The following SLCO3A1 variants were observed in gnomAD, a reference collection of about 807,000 sequenced individuals.
SLCO3A1 encodes the protein PGE1 transporter.
A neutral mutation model predicts 63.1 loss-of-function variants in SLCO3A1; 27 were observed. That is an observed-to-expected ratio of 0.43 (90% CI 0.32 to 0.59). The LOEUF is 0.59. Among genes scored for constraint, SLCO3A1 ranks in the 20% least tolerant of loss-of-function variants. The pLI is 0.09. For missense variants in SLCO3A1, 773 were observed against 945.8 expected (o/e 0.82, Z 2.40); for synonymous variants, 473 against 409.9 (o/e 1.15, Z -1.86).
intron 9 of SLCO3A1, among the ~76,000 whole-genome samples, chr15:92,154,978 G>C (rs1567151677): frequency 6.6e-6 from 1 of 152,202 alleles, no homozygotes; most frequent in South Asian, 2.1e-4. Flanking sequence ...CAATGACAAA[G>C]CCCAGGGTGT....
At chr15:91,940,990 C>T (rs546510337) in intron 2 of SLCO3A1, among the ~76,000 whole-genome samples, 17 of 152,198 alleles carry the variant, frequency 1.1e-4, no homozygotes, top group South Asian at 8.3e-4. Context: ...GCCACCCTGC[C>T]GTTTTAGGAG....
At chr15:92,107,315 G>T (rs1279561129) in intron 4 of SLCO3A1, among the ~76,000 whole-genome samples, 1 of 152,230 alleles carries the variant, frequency 6.6e-6, no homozygotes, top group Non-Finnish European at 1.5e-5. Flanking sequence ...ACAGTGAAAT[G>T]AGCTATTATG....
At chr15:92,068,425 G>A (rs117996037) in intron 2 of SLCO3A1, among the ~76,000 whole-genome samples, 34 of 151,236 alleles carry the variant, frequency 2.2e-4, no homozygotes, top group Non-Finnish European at 4.9e-4. Flanking sequence ...TTAAGACAGC[G>A]TTTCAGCGCT....
chr15:92,028,782 A>G (rs1234748243), intron 2 of SLCO3A1, among the ~76,000 whole-genome samples: 1 of 152,204 alleles, frequency 6.6e-6, no homozygotes, highest in Non-Finnish European at 1.5e-5. Context: ...ATCCGAAGCC[A>G]AGTGGAGAAT....
chr15:91,909,296 G>A (rs1195467909), intron 1 of SLCO3A1, among the ~76,000 whole-genome samples: 1 of 152,148 alleles, frequency 6.6e-6, no homozygotes, highest in Non-Finnish European at 1.5e-5. Context: ...GCCTGTTTTT[G>A]TAAATAAAGT....
intron 9 of SLCO3A1, among the ~76,000 whole-genome samples, chr15:92,153,318 A>G (rs889438771): frequency 6.6e-6 from 1 of 152,016 alleles, no homozygotes; most frequent in African/African-American, 2.4e-5. Flanking sequence ...ATTCTAGTCT[A>G]TTACATGCTT....
chr15:92,073,338 G>A (rs184478171), intron 2 of SLCO3A1, among the ~76,000 whole-genome samples: 9 of 152,160 alleles, frequency 5.9e-5, no homozygotes, highest in African/African-American at 1.4e-4. Context: ...ATTCTACCCC[G>A]TGGAAAAGGT....
At chr15:92,150,817 T>C in intron 8 of SLCO3A1, 133 bp from the exon 9 acceptor site, 1 of 563,426 alleles carries the variant, frequency 1.8e-6, no homozygotes, top group South Asian at 2.9e-5. Context: ...ATTAGTAATT[T>C]TAAAAAAGAC....
intron 2 of SLCO3A1, among the ~76,000 whole-genome samples, chr15:92,085,015 A>G (rs888523441): frequency 1.3e-5 from 2 of 152,232 alleles, no homozygotes; most frequent in African/African-American, 4.8e-5. Flanking sequence ...CATCTGTGCC[A>G]GGGCTGGGCC....
intron 2 of SLCO3A1, among the ~76,000 whole-genome samples, chr15:92,032,996 C>T (rs962269527): frequency 7.2e-5 from 11 of 151,996 alleles, no homozygotes; most frequent in African/African-American, 2.4e-4. Flanking sequence ...CAGGGGAAGT[C>T]CATGTCAGTG....
chr15:91,887,751 T>C (rs2151353381), intron 1 of SLCO3A1, among the ~76,000 whole-genome samples: 1 of 152,364 alleles, frequency 6.6e-6, no homozygotes, highest in Middle Eastern at 3.4e-3. Context: ...CCAGGCTGGA[T>C]GCAACTACCT....
intron 2 of SLCO3A1, among the ~76,000 whole-genome samples, chr15:92,000,851 C>T (rs2046245803): frequency 6.6e-6 from 1 of 152,200 alleles, no homozygotes; most frequent in African/African-American, 2.4e-5. Context: ...CGCTTGTATT[C>T]ATCTCATGCT....
chr15:91,990,935 T>C (rs1290813339), intron 2 of SLCO3A1, among the ~76,000 whole-genome samples: 1 of 152,162 alleles, frequency 6.6e-6, no homozygotes, highest in Non-Finnish European at 1.5e-5. Context: ...GTGGGGACAG[T>C]GAAGAGCTGG....
chr15:92,141,742 G>A (rs987809538), intron 7 of SLCO3A1, among the ~76,000 whole-genome samples: 3 of 152,162 alleles, frequency 2.0e-5, no homozygotes, highest in Admixed American at 6.5e-5. Context: ...TACCACACTC[G>A]GACATCTGAG....
At chr15:91,991,504 A>G (rs2046125765) in intron 2 of SLCO3A1, among the ~76,000 whole-genome samples, 1 of 152,256 alleles carries the variant, frequency 6.6e-6, no homozygotes, top group East Asian at 1.9e-4. Context: ...TTTCTGATTT[A>G]GAACATCTGG....
At chr15:91,906,954 A>G (rs1476074339) in intron 1 of SLCO3A1, among the ~76,000 whole-genome samples, 2 of 151,830 alleles carry the variant, frequency 1.3e-5, no homozygotes, top group East Asian at 3.9e-4. Context: ...AGAGACAATC[A>G]TGAAATGTTA....
At chr15:91,895,522 G>A (rs79799405) in intron 1 of SLCO3A1, among the ~76,000 whole-genome samples, 2 of 152,190 alleles carry the variant, frequency 1.3e-5, no homozygotes, top group Admixed American at 6.5e-5. Flanking sequence ...TTTTATTGAC[G>A]CAGGACTTCA....
intron 2 of SLCO3A1, among the ~76,000 whole-genome samples, chr15:92,056,626 T>G (rs796402763): frequency 2.6e-5 from 4 of 152,348 alleles, no homozygotes; most frequent in African/African-American, 9.6e-5. Context: ...AAAGCCATGT[T>G]CCCTATAATT....
chr15:91,904,215 A>G (rs919398748), intron 1 of SLCO3A1, among the ~76,000 whole-genome samples: 7 of 152,176 alleles, frequency 4.6e-5, no homozygotes, highest in Non-Finnish European at 8.8e-5. Context: ...CCTGTGGTCA[A>G]TTACAGGTAC....
Sources: allele counts gnomAD v4.1 joint callset (sites outside exome capture counted in the v4.1 genomes callset), GRCh38; gene constraint gnomAD v4.1.1; transcripts MANE v1.5; gene names NCBI Gene and HGNC (gene_info 2026-07-23, HGNC 2026-07-21).